Variants in CDA observed in about 807,000 individuals in gnomAD.
The protein encoded by CDA is cytidine deaminase.
CDA carries 7 observed loss-of-function variants against 15.0 expected under a neutral mutation model. That is an observed-to-expected ratio of 0.47 (90% CI 0.26 to 0.87). The LOEUF is 0.87. Among genes scored for constraint, CDA ranks in the 40% least tolerant of loss-of-function variants. The pLI is 0.15. For missense variants in CDA, 159 were observed against 182.7 expected (o/e 0.87, Z 0.75); for synonymous variants, 58 against 73.0 (o/e 0.79, Z 1.05).
At chr1:20,606,546 C>G (rs976782523) in intron 2 of CDA, among the ~76,000 whole-genome samples, 1 of 152,036 alleles carries the variant, frequency 6.6e-6, no homozygotes, top group South Asian at 2.1e-4. Flanking sequence ...GAACACTTTT[C>G]CCTGTTCTCC....
intron 1 of CDA, among the ~76,000 whole-genome samples, chr1:20,600,084 C>T (rs2052627818): frequency 1.3e-5 from 2 of 152,202 alleles, no homozygotes; most frequent in South Asian, 4.1e-4. Context: ...AACCATCTTT[C>T]TTTCTCATTA....
At chr1:20,591,721 T>C (rs1282096938) in intron 1 of CDA, among the ~76,000 whole-genome samples, 1 of 152,134 alleles carries the variant, frequency 6.6e-6, no homozygotes, top group Non-Finnish European at 1.5e-5. Context: ...GAGAGTGAAA[T>C]GGAGGCTTCA....
chr1:20,592,291 A>G (rs1009675834), intron 1 of CDA, among the ~76,000 whole-genome samples: 1 of 152,152 alleles, frequency 6.6e-6, no homozygotes, highest in African/African-American at 2.4e-5. Flanking sequence ...AGTATGTAGA[A>G]TTTCACCCCT....
intron 2 of CDA, among the ~76,000 whole-genome samples, chr1:20,612,965 C>G (rs968645453): frequency 1.4e-5 from 2 of 138,808 alleles, no homozygotes; most frequent in Admixed American, 1.5e-4. Flanking sequence ...AAAAAAAAGC[C>G]TGTTGGTGGA....
intron 3 of CDA, among the ~76,000 whole-genome samples, chr1:20,614,292 A>G (rs1015119735): frequency 7.7e-5 from 7 of 90,868 alleles, no homozygotes; most frequent in African/African-American, 3.1e-4. Flanking sequence ...CAAAATGCAG[A>G]AAAAAAAAAG....
At chr1:20,592,408 G>A (rs1170136580) in intron 1 of CDA, among the ~76,000 whole-genome samples, 1 of 152,168 alleles carries the variant, frequency 6.6e-6, no homozygotes, top group Non-Finnish European at 1.5e-5. Context: ...CACTATTAAT[G>A]CTATCATTAT....
intron 2 of CDA, among the ~76,000 whole-genome samples, chr1:20,610,672 G>A (rs1388822926): frequency 6.6e-6 from 1 of 152,134 alleles, no homozygotes; most frequent in African/African-American, 2.4e-5. Flanking sequence ...TAATAAAACT[G>A]TGTATGATAA....
At chr1:20,591,364 C>A (rs1025569366) in intron 1 of CDA, among the ~76,000 whole-genome samples, 1 of 151,648 alleles carries the variant, frequency 6.6e-6, no homozygotes. Flanking sequence ...CAAAAAAAAA[C>A]AAACCCACAA....
At chr1:20,604,487 C>T (rs1336172271) in intron 1 of CDA, among the ~76,000 whole-genome samples, 1 of 152,170 alleles carries the variant, frequency 6.6e-6, no homozygotes, top group Admixed American at 6.6e-5. Context: ...CTTCCTAATA[C>T]CATCACTTTG....
chr1:20,617,055 G>C (rs1486113741), intron 3 of CDA, among the ~76,000 whole-genome samples: 1 of 152,160 alleles, frequency 6.6e-6, no homozygotes, highest in Non-Finnish European at 1.5e-5. Flanking sequence ...GCCAGAAAGA[G>C]CTTAGGTCTG....
chr1:20,591,981 T>C (rs1172667350), intron 1 of CDA, among the ~76,000 whole-genome samples: 5 of 152,024 alleles, frequency 3.3e-5, no homozygotes, highest in Non-Finnish European at 7.4e-5. Context: ...TAGCTGGGAT[T>C]ACAGGCACCC....
chr1:20,603,381 T>C (rs927117775), intron 1 of CDA, among the ~76,000 whole-genome samples: 22 of 152,128 alleles, frequency 1.4e-4, no homozygotes, highest in Admixed American at 1.2e-3. Context: ...GTTTCCAAAT[T>C]CCTTCTCTCT....
intron 1 of CDA, among the ~76,000 whole-genome samples, chr1:20,589,554 A>C (rs2052529777): frequency 6.6e-6 from 1 of 152,138 alleles, no homozygotes. Flanking sequence ...TAAATCAAAA[A>C]CATCAACAGT....
chr1:20,598,605 G>A (rs145878641), intron 1 of CDA, among the ~76,000 whole-genome samples: 3 of 152,334 alleles, frequency 2.0e-5, no homozygotes, highest in South Asian at 2.1e-4. Flanking sequence ...AGTTCTTGGC[G>A]AGGGCCCTCT....
chr1:20,617,700 T>A (rs1282895918), intron 3 of CDA, among the ~76,000 whole-genome samples: 11 of 67,438 alleles, frequency 1.6e-4, no homozygotes, highest in Admixed American at 7.4e-4. Context: ...TTATTTTATT[T>A]TTTTTTTTTT....
chr1:20,609,375 A>G (rs1459245487), intron 2 of CDA, among the ~76,000 whole-genome samples: 1 of 152,134 alleles, frequency 6.6e-6, no homozygotes, highest in African/African-American at 2.4e-5. Context: ...AGTCCCAGCT[A>G]CTCAGGAGGC....
At chr1:20,616,532 C>T (rs1391558989) in intron 3 of CDA, among the ~76,000 whole-genome samples, 2 of 152,050 alleles carry the variant, frequency 1.3e-5, no homozygotes, top group African/African-American at 4.8e-5. Context: ...AATAGCTGCC[C>T]TGCACGGTGG....
intron 1 of CDA, among the ~76,000 whole-genome samples, chr1:20,597,113 C>T (rs1270314144): frequency 1.3e-5 from 2 of 152,016 alleles, no homozygotes; most frequent in Non-Finnish European, 2.9e-5. Flanking sequence ...AGCACCAAAC[C>T]ACCTCAAAAC....
At chr1:20,598,446 T>A (rs1410004938) in intron 1 of CDA, among the ~76,000 whole-genome samples, 2 of 152,222 alleles carry the variant, frequency 1.3e-5, no homozygotes, top group Non-Finnish European at 2.9e-5. Flanking sequence ...TAAATTTCTG[T>A]CCTTTATAAA....
Sources: allele counts gnomAD v4.1 joint callset (sites outside exome capture counted in the v4.1 genomes callset), GRCh38; gene constraint gnomAD v4.1.1; transcripts MANE v1.5; gene names NCBI Gene and HGNC (gene_info 2026-07-23, HGNC 2026-07-21).